The following NATD1 variants were observed in gnomAD, a reference collection of about 807,000 sequenced individuals.
NATD1 encodes protein NATD1.
In NATD1, 9 loss-of-function variants were observed where a neutral mutation model predicts 12.0. The observed-to-expected ratio is 0.75, with a 90% CI of 0.45 to 1.30. The LOEUF (loss-of-function observed/expected upper bound fraction) is 1.30, where lower values mean the gene tolerates loss of function less well. NATD1 is among the 50% of genes most tolerant of loss of function. The probability of loss-of-function intolerance (pLI) is 0.00; values close to 1 mark genes in which losing one functional copy is unlikely to be tolerated. For missense variants in NATD1, 148 were observed against 148.5 expected (o/e 1.00, Z 0.02); for synonymous variants, 71 against 65.9 (o/e 1.08, Z -0.37).
Position 21,243,069 on chromosome 17 carries a change from C to T in NATD1, c.*244G>A, listed in dbSNP as rs562663079. On this transcript the variant is annotated 3_prime_UTR_variant, in exon 3 of 3. Coordinates refer to ENST00000611551, the MANE Select transcript of NATD1 (RefSeq NM_152914.3). ...GTGACCCACAGGCCTCCCACGAAGC[C>T]GCTGGTCTCTGCAGAGTGAGAGGTG... 2.5e-5 allele frequency: 11 copies of T among 438,498 alleles called. 1 individual carries two copies. Among genetic ancestry groups the T allele is most frequent in the African/African-American group, 1.2e-4 (6 of 51,094 alleles). The allele number at this position is 438,498 out of a possible 1,614,324, so 27.2% of individuals were successfully genotyped here.
Position 21,239,734 on chromosome 17 carries a change from A to T in NATD1, c.*3579T>A, listed in dbSNP as rs1975248659. ...GACCCGGGAGGTGGAGGTTGCAGTGAGCTGAGATCGCACCTCTGCACTCCA... is the reference window on the plus strand; with the variant it reads ...GACCCGGGAGGTGGAGGTTGCAGTGTGCTGAGATCGCACCTCTGCACTCCA... On this transcript the variant is annotated 3_prime_UTR_variant, in exon 3 of 3. Coordinates refer to ENST00000611551, the MANE Select transcript of NATD1 (RefSeq NM_152914.3). The T allele has an allele frequency of 6.6e-6, 1 of 152,232 alleles. No homozygotes were observed. Among genetic ancestry groups the T allele is most frequent in the African/African-American group, 2.4e-5 (1 of 41,448 alleles). The allele number at this position is 152,232 out of a possible 1,614,324, so 9.4% of individuals were successfully genotyped here. A position where few individuals can be genotyped will look rare whatever the true frequency, so the allele number is the denominator to read the frequency against.
chr17:21,242,699 C>T lies in NATD1; in HGVS notation c.*614G>A, dbSNP rs1030818638. 7 of 152,636 alleles carry T rather than the reference C, an allele frequency of 4.6e-5. No individual in the cohort carries two copies. The highest frequency in any genetic ancestry group is 1.7e-4 in the African/African-American group (7 of 41,462). 9.5% of individuals were successfully genotyped at this position (152,636 alleles called of 1,614,324 possible). On this transcript the variant is annotated 3_prime_UTR_variant, in exon 3 of 3. Transcript: ENST00000611551. ...GCCTGTAGACTGCATCCTGTGTGTT[C>T]ACATGTGTGAACCGCACGTACGGTT...
Position 21,244,235 on chromosome 17 carries a change from T to C in NATD1, c.107-11A>G, listed in dbSNP as rs540230371. ...CCCGGTCATGACATCCTGGGGGTTG[T>C]GGAGACAGGTAAGCCTATGCTGACT... On this transcript the variant is annotated splice_polypyrimidine_tract_variant and intron_variant, in intron 1 of 2. Coordinates refer to ENST00000611551, the MANE Select transcript of NATD1 (RefSeq NM_152914.3). The surrounding 1 kb of genome is among the most constrained non-coding windows in gnomAD (Gnocchi z 5.2). 1 of 1,608,228 alleles carries C rather than the reference T, an allele frequency of 6.2e-7. No individual in the cohort carries two copies. The highest frequency in any genetic ancestry group is 1.3e-5 in the African/African-American group (1 of 74,848).
intron 1 of NATD1, among the ~76,000 whole-genome samples, chr17:21,246,740 C>T (rs932804777): frequency 1.3e-5 from 2 of 150,210 alleles, no homozygotes; most frequent in Non-Finnish European, 3.0e-5. Context: ...TGACAGGTGC[C>T]AAGGATCACT....
intron 1 of NATD1, among the ~76,000 whole-genome samples, chr17:21,246,127 T>G (rs1975322703): frequency 6.6e-6 from 1 of 152,204 alleles, no homozygotes; most frequent in Admixed American, 6.5e-5. Context: ...GGGTTTGGGC[T>G]GCAGGGCAGG....
In NATD1 at chr17:21,243,208, C is replaced by T; in HGVS notation, c.*105G>A. 6.0e-6 allele frequency: 5 copies of T among 839,642 alleles called. No homozygotes were observed. In the South Asian group the frequency reaches 8.0e-5, roughly 13 times the overall value. The allele number at this position is 839,642 out of a possible 1,614,324, so 52.0% of individuals were successfully genotyped here. On this transcript the variant is annotated 3_prime_UTR_variant, in exon 3 of 3. Transcript: ENST00000611551. Reference sequence around the variant, plus strand: ...CAGATGAGTGTCCTTACAAAAATAACTCTGAGTCTGTTCCCAGTGGGACCA... The same window carrying T: ...CAGATGAGTGTCCTTACAAAAATAATTCTGAGTCTGTTCCCAGTGGGACCA...
chr17:21,243,218 G>T lies in NATD1; in HGVS notation c.*95C>A, dbSNP rs1363885386. On this transcript the variant is annotated 3_prime_UTR_variant, in exon 3 of 3. Coordinates refer to ENST00000611551, the MANE Select transcript of NATD1 (RefSeq NM_152914.3). The stretch of plus-strand genomic sequence containing the variant: ...TCCTTACAAAAATAACTCTGAGTCT[G>T]TTCCCAGTGGGACCAGGTTCCTGAG... 2 of 927,592 alleles carry T rather than the reference G, an allele frequency of 2.2e-6. No homozygotes were observed. The highest frequency in any genetic ancestry group is 1.7e-6 in the Non-Finnish European group (1 of 602,202). The allele number at this position is 927,592 out of a possible 1,614,324, so 57.5% of individuals were successfully genotyped here.
chr17:21,247,792 C>T (rs1405420380), intron 1 of NATD1, among the ~76,000 whole-genome samples: 6 of 152,220 alleles, frequency 3.9e-5, no homozygotes, highest in Admixed American at 1.3e-4. Flanking sequence ...GGCCTAGAGG[C>T]TATGCCTGTG....
At chr17:21,252,236 C>G (rs1466367358) in intron 1 of NATD1, among the ~76,000 whole-genome samples, 1 of 151,706 alleles carries the variant, frequency 6.6e-6, no homozygotes, top group Non-Finnish European at 1.5e-5. Flanking sequence ...ACCCAGGAGG[C>G]AGAGGTTGCA....
rs1306534425 is a variant in NATD1 at position 21,238,896 on chromosome 17, AATAT to A, written c.*4413_*4416del. 6.6e-6 allele frequency: 1 copy of A among 152,170 alleles called. No individual in the cohort carries two copies. The highest frequency in any genetic ancestry group is 1.5e-5 in the Non-Finnish European group (1 of 68,028). The allele number at this position is 152,170 out of a possible 1,614,324, so 9.4% of individuals were successfully genotyped here. A position where few individuals can be genotyped will look rare whatever the true frequency, so the allele number is the denominator to read the frequency against. ...TTGATAACCAGAAAAGAATCTCTTT[AATAT>A]CTTGTAGCCGTAAGACTGATACAAC... is the stretch of plus-strand genomic sequence containing the variant. On this transcript the variant is annotated 3_prime_UTR_variant, in exon 3 of 3. Transcript: ENST00000611551.
At chr17:21,250,819 C>T (rs1975368107) in intron 1 of NATD1, among the ~76,000 whole-genome samples, 1 of 152,166 alleles carries the variant, frequency 6.6e-6, no homozygotes, top group African/African-American at 2.4e-5. Flanking sequence ...CCTAGCTGTG[C>T]TATGTGGACA....
intron 1 of NATD1, among the ~76,000 whole-genome samples, chr17:21,245,439 G>A (rs896759448): frequency 2.5e-4 from 38 of 152,182 alleles, no homozygotes; most frequent in African/African-American, 8.7e-4. Flanking sequence ...TGGGCAACAC[G>A]AGGGGAAGGC....
At position 21,253,260 on chromosome 17, in the gene NATD1, G is replaced by A; in HGVS notation, c.5C>T (p.Ala2Val). 3.0e-6 allele frequency: 3 copies of A among 993,502 alleles called. No homozygotes were observed. The highest frequency in any genetic ancestry group is 2.4e-6 in the Non-Finnish European group (2 of 836,482). 61.5% of individuals were successfully genotyped at this position (993,502 alleles called of 1,614,324 possible). M[A>V]HSAAAVPLGA... ...CAGCGGCACGGCGGCAGCCGAGTGCGCCATCTGCGCGCGGGGCTGCGGCGC... is the reference window on the plus strand; with the variant it reads ...CAGCGGCACGGCGGCAGCCGAGTGCACCATCTGCGCGCGGGGCTGCGGCGC... Residue 2 changes from alanine (A) to valine (V), a missense_variant, in exon 1 of 3, where the codon GCG becomes GTG. Ala to Val is a moderately conservative substitution (Grantham distance 64). Coordinates refer to ENST00000611551, the MANE Select transcript of NATD1 (RefSeq NM_152914.3).
chr17:21,248,947 G>A (rs1481619937), intron 1 of NATD1, among the ~76,000 whole-genome samples: 3 of 152,118 alleles, frequency 2.0e-5, no homozygotes, highest in East Asian at 1.9e-4. Flanking sequence ...CCAGCATCAC[G>A]TGACTGGTTT....
At chr17:21,245,442 G>GGGAA (rs1323914800) in intron 1 of NATD1, among the ~76,000 whole-genome samples, 2 of 152,168 alleles carry the variant, frequency 1.3e-5, no homozygotes, top group African/African-American at 4.8e-5. Context: ...GCAACACGAG[G>GGGAA]GGAAGGCTGA....
In NATD1 at chr17:21,244,074, C is replaced by T. The variant is rs779076393; in HGVS notation, c.225+32G>A. 1.3e-6 allele frequency: 2 copies of T among 1,579,598 alleles called. No individual in the cohort carries two copies. Among genetic ancestry groups the T allele is most frequent in the Admixed American group, 1.7e-5 (1 of 58,210 alleles). On this transcript the variant is annotated intron_variant, in intron 2 of 2. Coordinates refer to ENST00000611551, the MANE Select transcript of NATD1 (RefSeq NM_152914.3). The surrounding 1 kb of genome is among the most constrained non-coding windows in gnomAD (Gnocchi z 5.2). The stretch of plus-strand genomic sequence containing the variant: ...AAGGTGGCAGCCCCCATGTCCCCGT[C>T]CCCGCTTGGCCCTGCCACCTGCCTG...
In NATD1 at chr17:21,244,749, G is replaced by C. The variant is rs1975310927; in HGVS notation, c.107-525C>G. On this transcript the variant is annotated intron_variant, in intron 1 of 2. Transcript: ENST00000611551. The surrounding 1 kb of genome is among the most constrained non-coding windows in gnomAD (Gnocchi z 5.2). Reference sequence around the variant, plus strand: ...ATCAGAGGCCTGTGGTAGAGTTCATGAGAAACTGACGCTGGGCACAGGAGG... The same window carrying C: ...ATCAGAGGCCTGTGGTAGAGTTCATCAGAAACTGACGCTGGGCACAGGAGG... 6.6e-6 allele frequency among the ~76,000 whole-genome samples: 1 copy of C among 152,264 alleles called. No homozygotes were observed. Among genetic ancestry groups the C allele is most frequent in the Non-Finnish European group, 1.5e-5 (1 of 68,054 alleles).
At chr17:21,252,358 T>C (rs1444657738) in intron 1 of NATD1, among the ~76,000 whole-genome samples, 1 of 152,242 alleles carries the variant, frequency 6.6e-6, no homozygotes, top group African/African-American at 2.4e-5. Flanking sequence ...CCTTGCTTTC[T>C]GGCTTCACGA....
chr17:21,243,398 A>G lies in NATD1; in HGVS notation c.257T>C (p.Leu86Pro). The change falls in exon 3 of 3, where the codon CTG becomes CCG. Residue 86 changes from leucine to proline, a missense_variant. Transcript: ENST00000611551. ...AALDFVVEEDLKAHLTCWYIQ... is the reference protein window; with the variant it reads ...AALDFVVEEDPKAHLTCWYIQ... ...GTACCAGCAGGTGAGATGGGCCTTCAGGTCCTCCTCCACCACGAAGTCCAG... is the reference window on the plus strand; with the variant it reads ...GTACCAGCAGGTGAGATGGGCCTTCGGGTCCTCCTCCACCACGAAGTCCAG... 1.2e-6 allele frequency: 2 copies of G among 1,613,380 alleles called. No individual in the cohort carries two copies. Among genetic ancestry groups the G allele is most frequent in the East Asian group, 4.5e-5 (2 of 44,864 alleles).
Sources: gnomAD v4.1 joint callset for allele counts (sites outside exome capture counted in the v4.1 genomes callset) on GRCh38, gnomAD v4.1.1 for gene constraint, Gnocchi (gnomAD v3.1) non-coding constraint, MANE v1.5 for transcripts, NCBI Gene and HGNC (gene_info 2026-07-23, HGNC 2026-07-21) for gene names.